INVS: variants seen among roughly 807,000 people sequenced by gnomAD.
The protein encoded by INVS is inversin, also known as inversion of embryo turning homolog.
Under a neutral mutation model 108.8 loss-of-function variants are expected in INVS, and 86 were observed. That is an observed-to-expected ratio of 0.79 (90% CI 0.66 to 0.95). The LOEUF is 0.95. Among genes scored for constraint, INVS ranks in the 40% least tolerant of loss-of-function variants. The pLI is 0.00. For missense variants in INVS, 1,169 were observed against 1,297.4 expected, an observed-to-expected ratio of 0.90 and a Z score of 1.52; for synonymous variants, 455 against 473.5, an observed-to-expected ratio of 0.96 and a Z score of 0.51.
chr9:100,192,882 AT>A (rs954547715), intron 3 of INVS, among the ~76,000 whole-genome samples: 1 of 150,560 alleles, frequency 6.6e-6, no homozygotes, highest in African/African-American at 2.4e-5. Context: ...TCCTTTACCC[AT>A]TTTTTTCTGT....
chr9:100,235,321 A>G (rs998369740), intron 5 of INVS, among the ~76,000 whole-genome samples: 2 of 151,872 alleles, frequency 1.3e-5, no homozygotes, highest in African/African-American at 2.4e-5. Flanking sequence ...TCTTTATCCA[A>G]TTTGCCAGCC....
intron 3 of INVS, among the ~76,000 whole-genome samples, chr9:100,140,166 A>C (rs1477830396): frequency 6.6e-6 from 1 of 152,194 alleles, no homozygotes; most frequent in East Asian, 1.9e-4. Flanking sequence ...AAAAGGAATC[A>C]TATATGACCT....
At chr9:100,157,267 C>CTTT (rs770493291) in intron 3 of INVS, among the ~76,000 whole-genome samples, 5 of 130,098 alleles carry the variant, frequency 3.8e-5, no homozygotes, top group South Asian at 2.3e-4. Context: ...TCTTTTTTTT[C>CTTT]TTTTTTTTTT....
chr9:100,136,448 C>T (rs754326888), intron 3 of INVS, among the ~76,000 whole-genome samples: 12 of 152,034 alleles, frequency 7.9e-5, no homozygotes, highest in Admixed American at 2.6e-4. Flanking sequence ...TATATCCCCA[C>T]GATATCATTG....
At chr9:100,222,702 G>A (rs1266347759) in intron 3 of INVS, among the ~76,000 whole-genome samples, 1 of 151,922 alleles carries the variant, frequency 6.6e-6, no homozygotes, top group African/African-American at 2.4e-5. Flanking sequence ...CTGTCTGATT[G>A]AATATCTTTA....
intron 3 of INVS, among the ~76,000 whole-genome samples, chr9:100,139,211 G>A (rs1828340521): frequency 6.6e-6 from 1 of 152,126 alleles, no homozygotes; most frequent in Non-Finnish European, 1.5e-5. Context: ...TCGTACTTCT[G>A]TGTTTCTCTG....
At chr9:100,137,039 C>CA (rs958143859) in intron 3 of INVS, among the ~76,000 whole-genome samples, 36 of 148,460 alleles carry the variant, frequency 2.4e-4, no homozygotes, top group African/African-American at 8.4e-4. Flanking sequence ...GACTCCTTCT[C>CA]AAAAAAAAAG....
chr9:100,119,058 C>T (rs1051656945), intron 2 of INVS, among the ~76,000 whole-genome samples: 1 of 152,362 alleles, frequency 6.6e-6, no homozygotes, highest in Admixed American at 6.5e-5. Context: ...TTTACATACT[C>T]TCAAATCTGT....
At chr9:100,100,701 C>CAT (rs376899033) in intron 1 of INVS, among the ~76,000 whole-genome samples, 3,957 of 9,528 alleles carry the variant, frequency 0.42, 1,003 homozygotes, top group East Asian at 0.83. Flanking sequence ...TATATATGTA[C>CAT]ATATAATATA....
At chr9:100,258,269 C>T (rs185507043) in intron 10 of INVS, among the ~76,000 whole-genome samples, 240 of 152,236 alleles carry the variant, frequency 1.6e-3, no homozygotes, top group Non-Finnish European at 2.0e-3. Flanking sequence ...CATTTAAGGT[C>T]GTTTCTATGC....
chr9:100,299,318 A>G (rs2118791518), intron 16 of INVS, among the ~76,000 whole-genome samples: 1 of 152,296 alleles, frequency 6.6e-6, no homozygotes, highest in East Asian at 1.9e-4. Context: ...GTTAATGAAT[A>G]TTATTGCTCT....
rs1464240249 is a variant in INVS, at chr9:100,296,940, C to T, written c.2810C>T (p.Ser937Phe). The part of the protein sequence containing the change: ...WRSYQLRKHL[S>F]HLRHMKQLGA... ...AGCTACCAGCTCAGGAAGCACCTGT[C>T]CCACCTTCGGCATATGAAGCAGCTT... The change falls in exon 15 of 17, where the codon TCC becomes TTC. Residue 937 changes from serine to phenylalanine, a missense_variant. Transcript: ENST00000262457. The T allele has an allele frequency of 1.9e-6, 3 of 1,613,960 alleles. No homozygotes were observed. The highest frequency in any genetic ancestry group is 1.7e-6 in the Non-Finnish European group (2 of 1,179,994).
chr9:100,189,779 GGGGTCTTGCCAT>G (rs1830168465), intron 3 of INVS, among the ~76,000 whole-genome samples: 3 of 151,650 alleles, frequency 2.0e-5, no homozygotes, highest in Non-Finnish European at 4.4e-5. Flanking sequence ...TTAATAGACG[GGGGTCTTGCCAT>G]GTCGGCCAGG....
rs10527613 is a variant in INVS at position 100,301,139 on chromosome 9, TCA to T, written c.*504_*505del. 0.1 allele frequency: 17,147 copies of T among 167,518 alleles called. 1,121 individuals are homozygous for T. Among genetic ancestry groups the T allele is most frequent in the Admixed American group, 0.12 (1,659 of 13,764 alleles). The allele number at this position is 167,518 out of a possible 1,614,324, so 10.4% of individuals were successfully genotyped here. A position where few individuals can be genotyped will look rare whatever the true frequency, so the allele number is the denominator to read the frequency against. On this transcript the variant is annotated 3_prime_UTR_variant, in exon 17 of 17. Coordinates refer to ENST00000262457, the MANE Select transcript of INVS (RefSeq NM_014425.5). ...CCTGGCATCTAATGCAACAAACTTATCACACACACACACACACACACACACAC... is the reference window on the plus strand; with the variant it reads ...CCTGGCATCTAATGCAACAAACTTATCACACACACACACACACACACACAC...
chr9:100,224,474 G>A (rs1185125170), intron 3 of INVS, among the ~76,000 whole-genome samples: 1 of 152,138 alleles, frequency 6.6e-6, no homozygotes, highest in Non-Finnish European at 1.5e-5. Flanking sequence ...AAGTAAAAAT[G>A]AGGAAATAGA....
chr9:100,223,734 C>T (rs1032016108), intron 3 of INVS, among the ~76,000 whole-genome samples: 4 of 152,200 alleles, frequency 2.6e-5, no homozygotes, highest in Non-Finnish European at 4.4e-5. Flanking sequence ...CAGCAGAGTC[C>T]GTTGGCTTTT....
At chr9:100,197,735 G>A (rs541836682) in intron 3 of INVS, among the ~76,000 whole-genome samples, 150 of 152,268 alleles carry the variant, frequency 9.9e-4, no homozygotes, top group Admixed American at 2.2e-3. Context: ...ATTCATCTTG[G>A]CCTCTCTGCA....
chr9:100,177,330 C>G (rs917189903), intron 3 of INVS, among the ~76,000 whole-genome samples: 2 of 152,204 alleles, frequency 1.3e-5, no homozygotes, highest in African/African-American at 4.8e-5. Context: ...TGGTCTAGCT[C>G]AGCAGATCCC....
chr9:100,109,344 G>A (rs532980100), intron 2 of INVS, among the ~76,000 whole-genome samples: 55 of 152,180 alleles, frequency 3.6e-4, no homozygotes, highest in Non-Finnish European at 7.1e-4. Flanking sequence ...TAGACAATAA[G>A]TTAATATCCT....
Sources: allele counts gnomAD v4.1 joint callset (sites outside exome capture counted in the v4.1 genomes callset), GRCh38; gene constraint gnomAD v4.1.1; transcripts MANE v1.5; gene names NCBI Gene and HGNC (gene_info 2026-07-23, HGNC 2026-07-21).